The following CD200R1 variants were observed in gnomAD, a reference collection of about 807,000 sequenced individuals.
CD200R1 encodes cell surface glycoprotein CD200 receptor 1.
Under a neutral mutation model 38.1 loss-of-function variants are expected in CD200R1, and 30 were observed. The ratio of observed to expected loss-of-function variants is 0.79; its 90% CI spans 0.59 to 1.07. The LOEUF (loss-of-function observed/expected upper bound fraction) is 1.07, where lower values mean the gene tolerates loss of function less well. Among genes scored for constraint, CD200R1 ranks in the 50% least tolerant of loss-of-function variants. The probability of loss-of-function intolerance (pLI) is 0.00; values close to 1 mark genes in which losing one functional copy is unlikely to be tolerated. For missense variants in CD200R1, 372 were observed against 415.4 expected, an observed-to-expected ratio of 0.90 and a Z score of 0.91; for synonymous variants, 128 against 152.1, an observed-to-expected ratio of 0.84 and a Z score of 1.16.
chr3:112,946,684 C>A (rs1248991248), intron 2 of CD200R1, among the ~76,000 whole-genome samples: 1 of 152,158 alleles, frequency 6.6e-6, no homozygotes, highest in East Asian at 1.9e-4. Flanking sequence ...TAATTGGTAG[C>A]AGGAATGCAA....
At chr3:112,962,585 C>G (rs1204430822) in intron 1 of CD200R1, among the ~76,000 whole-genome samples, 1 of 152,088 alleles carries the variant, frequency 6.6e-6, no homozygotes, top group Non-Finnish European at 1.5e-5. Context: ...AGTACTTTAC[C>G]TGCATCATTG....
chr3:112,934,306 T>C (rs7615462), intron 2 of CD200R1, among the ~76,000 whole-genome samples: 90,852 of 151,786 alleles, frequency 0.6, 27,623 homozygotes, highest in African/African-American at 0.71. Flanking sequence ...AGAAACCTTA[T>C]GGGCCAAGAG....
chr3:112,974,974 C>T lies in CD200R1; in HGVS notation c.-117G>A. On this transcript the variant is annotated 5_prime_UTR_variant, in exon 1 of 8. Coordinates refer to ENST00000308611, the MANE Select transcript of CD200R1 (RefSeq NM_138806.4). Reference sequence around the variant, plus strand: ...AACTTCTCAGTACAGGATCCTCTTACCCCATCAACAGTGGGGCACTCCCTT... The same window carrying T: ...AACTTCTCAGTACAGGATCCTCTTATCCCATCAACAGTGGGGCACTCCCTT... The T allele has an allele frequency of 1.3e-6, 1 of 775,880 alleles. No individual in the cohort carries two copies. The highest frequency in any genetic ancestry group is 2.2e-6 in the Non-Finnish European group (1 of 451,644). 48.1% of individuals were successfully genotyped at this position (775,880 alleles called of 1,614,324 possible).
chr3:112,943,291 T>TGA (rs1195141505), intron 2 of CD200R1, among the ~76,000 whole-genome samples: 17 of 151,572 alleles, frequency 1.1e-4, no homozygotes, highest in African/African-American at 4.1e-4. Context: ...TTTTAGACCA[T>TGA]GATGGAATTA....
intron 1 of CD200R1, among the ~76,000 whole-genome samples, chr3:112,973,084 A>AC (rs936919979): frequency 3.5e-4 from 53 of 152,352 alleles, no homozygotes; most frequent in African/African-American, 1.2e-3. Context: ...AATAGTTTTA[A>AC]AATTTAAACC....
rs376722558 is a variant in CD200R1 at position 112,970,675 on chromosome 3, AT to A, written c.67+4115del. On this transcript the variant is annotated intron_variant, in intron 1 of 7. Transcript: ENST00000308611. ...CATAAAATCAAACAACAACTGGGTC[AT>A]TTTATTAACTAAATGCCATTAACTG... Among the ~76,000 whole-genome samples, 177 of 152,300 alleles carry A rather than the reference AT, an allele frequency of 1.2e-3. 1 individual carries two copies. Among genetic ancestry groups the A allele is most frequent in the African/African-American group, 4.1e-3 (170 of 41,546 alleles).
intron 1 of CD200R1, among the ~76,000 whole-genome samples, chr3:112,956,405 A>G (rs560322595): frequency 6.6e-6 from 1 of 151,436 alleles, no homozygotes; most frequent in South Asian, 2.1e-4. Flanking sequence ...CTGGCCACTT[A>G]ATATTTTCCT....
intron 1 of CD200R1, among the ~76,000 whole-genome samples, chr3:112,970,086 G>A (rs1196263741): frequency 6.6e-6 from 1 of 152,082 alleles, no homozygotes; most frequent in African/African-American, 2.4e-5. Flanking sequence ...TCTGAAACAG[G>A]AGGATAACCT....
At chr3:112,956,207 CT>C (rs545977634) in intron 1 of CD200R1, among the ~76,000 whole-genome samples, 4 of 151,740 alleles carry the variant, frequency 2.6e-5, no homozygotes, top group East Asian at 1.9e-4. Flanking sequence ...TCTTTTCATT[CT>C]TTTTTTTCTC....
rs139821623 is a variant in CD200R1, at chr3:112,929,448, C to T, written c.262G>A (p.Ala88Thr). 5 of 1,613,524 alleles carry T rather than the reference C, an allele frequency of 3.1e-6. No homozygotes were observed. The highest frequency in any genetic ancestry group is 1.1e-5 in the South Asian group (1 of 91,066). ...TNAVLCCPPI[A>T]LRNLIIITWE... ...GTTATTATGATCAAATTTCTTAATG[C>T]GATAGGAGGGCAACAAAGCACAGCA... The change falls in exon 4 of 8, where the codon GCA (alanine) becomes ACA (threonine). Residue 88 changes from alanine to threonine, a missense_variant. Transcript: ENST00000308611.
chr3:112,933,757 T>G (rs765754788), intron 2 of CD200R1, among the ~76,000 whole-genome samples: 2 of 151,968 alleles, frequency 1.3e-5, no homozygotes, highest in Non-Finnish European at 2.9e-5. Flanking sequence ...AAACAATTTG[T>G]GATTTAAATG....
At chr3:112,968,419 A>G (rs989782023) in intron 1 of CD200R1, among the ~76,000 whole-genome samples, 1 of 152,230 alleles carries the variant, frequency 6.6e-6, no homozygotes, top group Non-Finnish European at 1.5e-5. Flanking sequence ...TAAGAACTAT[A>G]AATTGTGGAC....
chr3:112,965,946 C>T (rs992669846), intron 1 of CD200R1, among the ~76,000 whole-genome samples: 37 of 146,484 alleles, frequency 2.5e-4, no homozygotes, highest in African/African-American at 7.8e-4. Context: ...CTCTGAGAGG[C>T]GAACAAAAAG....
intron 2 of CD200R1, among the ~76,000 whole-genome samples, chr3:112,933,933 A>T (rs1391796269): frequency 6.6e-6 from 1 of 152,108 alleles, no homozygotes; most frequent in East Asian, 1.9e-4. Context: ...TGAGGATTTT[A>T]AAAACAAAAA....
In CD200R1 at chr3:112,974,962, AGG is replaced by A; in HGVS notation, c.-107_-106del. 4.7e-6 allele frequency: 4 copies of A among 855,788 alleles called. No individual in the cohort carries two copies. The highest frequency in any genetic ancestry group is 4.2e-5 in the South Asian group (3 of 70,740). The allele number at this position is 855,788 out of a possible 1,614,324, so 53.0% of individuals were successfully genotyped here. Reference sequence around the variant, plus strand: ...CCCTCTCTGGTCAACTTCTCAGTACAGGATCCTCTTACCCCATCAACAGTGGG... The same window carrying A: ...CCCTCTCTGGTCAACTTCTCAGTACAATCCTCTTACCCCATCAACAGTGGG... On this transcript the variant is annotated 5_prime_UTR_variant, in exon 1 of 8. Transcript: ENST00000308611.
At chr3:112,930,840 C>T (rs1940413170) in intron 3 of CD200R1, among the ~76,000 whole-genome samples, 1 of 152,200 alleles carries the variant, frequency 6.6e-6, no homozygotes, top group African/African-American at 2.4e-5. Context: ...AGAGGTAATA[C>T]TTTAACATAG....
rs369053716 is a variant in CD200R1, at chr3:112,960,180, G to A, written c.68-12256C>T. Among the ~76,000 whole-genome samples the A allele has an allele frequency of 1.1e-3, 172 of 152,068 alleles. 4 individuals are homozygous for A. The South Asian group carries it at 0.033, about 29-fold the overall frequency. On this transcript the variant is annotated intron_variant, in intron 1 of 7. Coordinates refer to ENST00000308611, the MANE Select transcript of CD200R1 (RefSeq NM_138806.4). ...TTTTCTGTAGCTACACTAAGCATAT[G>A]GCTTTTTCCTCATCACCAGTATGGT...
At position 112,923,509 on chromosome 3, in the gene CD200R1, AAATT is replaced by A. The variant is rs1940216014; in HGVS notation, c.*164_*167del. 2.4e-6 allele frequency: 1 copy of A among 419,496 alleles called. No homozygotes were observed. Among genetic ancestry groups the A allele is most frequent in the Non-Finnish European group, 4.2e-6 (1 of 235,552 alleles). 26.0% of individuals were successfully genotyped at this position (419,496 alleles called of 1,614,324 possible). On this transcript the variant is annotated 3_prime_UTR_variant, in exon 8 of 8. Transcript: ENST00000308611. ...CTAGCTGGTAGCAGCTAAGAATCAA[AAATT>A]CCAATTATACAAGGGTATGAATGAG... is the stretch of plus-strand genomic sequence containing the variant.
At chr3:112,943,777 T>C (rs1314352468) in intron 2 of CD200R1, among the ~76,000 whole-genome samples, 3 of 151,734 alleles carry the variant, frequency 2.0e-5, no homozygotes, top group Non-Finnish European at 4.4e-5. Context: ...GAGGGTATAT[T>C]AACACAGATG....
Sources: gnomAD v4.1 joint callset for allele counts (sites outside exome capture counted in the v4.1 genomes callset) on GRCh38, gnomAD v4.1.1 for gene constraint, MANE v1.5 for transcripts, NCBI Gene and HGNC (gene_info 2026-07-23, HGNC 2026-07-21) for gene names.